DPP6: variants seen among roughly 807,000 people sequenced by gnomAD.
DPP6 encodes dipeptidyl peptidase like 6.
DPP6 carries 69 observed loss-of-function variants against 122.6 expected under a neutral mutation model. The observed-to-expected ratio is 0.56, with a 90% CI of 0.46 to 0.69. DPP6 has a LOEUF of 0.69. Ranked by LOEUF, DPP6 falls within the 30% of genes least tolerant of loss-of-function variation. The pLI, the probability that DPP6 is intolerant of heterozygous loss-of-function variation, is 0.00. For missense variants in DPP6, 928 were observed against 1,116.9 expected (o/e 0.83, Z 2.41); for synonymous variants, 418 against 433.1 (o/e 0.97, Z 0.43).
At chr7:154,073,863 G>A (rs1420622113) in intron 1 of DPP6, among the ~76,000 whole-genome samples, 6 of 152,176 alleles carry the variant, frequency 3.9e-5, no homozygotes, top group Non-Finnish European at 8.8e-5. Flanking sequence ...ATGGGTGCCT[G>A]TAATCCCAGC....
rs1046001451 is a variant in DPP6 at position 154,209,170 on chromosome 7, G to A, written c.243+156107G>A. ...TAGGTGAGAGATACATGTGATCCCCGAGGAGAACTATTAGACTTCCCTTAG... is the reference window on the plus strand; with the variant it reads ...TAGGTGAGAGATACATGTGATCCCCAAGGAGAACTATTAGACTTCCCTTAG... On this transcript the variant is annotated intron_variant, in intron 1 of 25. Transcript: ENST00000377770. Among the ~76,000 whole-genome samples, 13 of 152,150 alleles carry A rather than the reference G, an allele frequency of 8.5e-5. 1 individual carries two copies. Among genetic ancestry groups the A allele is most frequent in the Admixed American group, 6.5e-4 (10 of 15,274 alleles).
At chr7:154,448,011 G>A (rs1422653284) in intron 2 of DPP6, among the ~76,000 whole-genome samples, 1 of 152,114 alleles carries the variant, frequency 6.6e-6, no homozygotes, top group African/African-American at 2.4e-5. Context: ...ACCAGGAGAT[G>A]GTAGACAAGG....
At chr7:154,501,053 A>C (rs1396330066) in intron 3 of DPP6, among the ~76,000 whole-genome samples, 1 of 152,226 alleles carries the variant, frequency 6.6e-6, no homozygotes, top group Non-Finnish European at 1.5e-5. Flanking sequence ...TTTAGCAATG[A>C]GACTGGTGGC....
chr7:154,518,172 G>C (rs1046765073), intron 3 of DPP6, among the ~76,000 whole-genome samples: 1 of 152,176 alleles, frequency 6.6e-6, no homozygotes, highest in African/African-American at 2.4e-5. Flanking sequence ...GTAAAGATTA[G>C]CTGAGTCTTA....
At chr7:154,329,293 G>A (rs79668298) in intron 1 of DPP6, among the ~76,000 whole-genome samples, 46 of 152,348 alleles carry the variant, frequency 3.0e-4, no homozygotes, top group East Asian at 1.9e-3. Context: ...ACTGGCCAGC[G>A]TTGCAGCCAC....
intron 1 of DPP6, among the ~76,000 whole-genome samples, chr7:154,369,472 G>A (rs1812460652): frequency 1.3e-5 from 2 of 151,858 alleles, no homozygotes; most frequent in Non-Finnish European, 2.9e-5. Context: ...GGGTTCAAGC[G>A]ATTCTCCAGC....
intron 2 of DPP6, among the ~76,000 whole-genome samples, chr7:154,463,805 C>T (rs1821545898): frequency 6.6e-6 from 1 of 152,112 alleles, no homozygotes; most frequent in South Asian, 2.1e-4. Flanking sequence ...CTCTATTCTA[C>T]TGTGGCTGAG....
intron 1 of DPP6, among the ~76,000 whole-genome samples, chr7:154,187,550 T>G (rs1585583409): frequency 6.6e-6 from 1 of 152,324 alleles, no homozygotes; most frequent in Admixed American, 6.5e-5. Context: ...GAAAAATAGG[T>G]TTGCTTTCCT....
At chr7:154,792,788 G>A (rs1012135319) in intron 10 of DPP6, among the ~76,000 whole-genome samples, 5 of 152,214 alleles carry the variant, frequency 3.3e-5, no homozygotes, top group Middle Eastern at 3.2e-3. Context: ...CCCCTCCTGT[G>A]TTCACGGGTT....
In DPP6 at chr7:154,023,318, G is replaced by GCACGCACACGCGCA. The variant is rs373378162; in HGVS notation, c.51+135587_51+135588insGCACACGCGCACAC. On this transcript the variant is annotated intron_variant, in intron 1 of 25. Coordinates refer to the DPP6 transcript ENST00000404039. Reference sequence around the variant, plus strand: ...CAGGCTCTGGAAATGTTTCTTGTCTGCACACACACACACACACACACACAC... The same window carrying GCACGCACACGCGCA: ...CAGGCTCTGGAAATGTTTCTTGTCTGCACGCACACGCGCACACACACACACACACACACACACAC... Among the ~76,000 whole-genome samples the GCACGCACACGCGCA allele has an allele frequency of 1.2e-4, 15 of 129,618 alleles. No homozygotes were observed. In the East Asian group the frequency reaches 3.3e-3, roughly 29 times the overall value. 85.0% of individuals were successfully genotyped at this position (129,618 alleles called of 152,430 possible).
At chr7:154,226,315 C>G (rs562097995) in intron 1 of DPP6, among the ~76,000 whole-genome samples, 62 of 145,466 alleles carry the variant, frequency 4.3e-4, no homozygotes, top group African/African-American at 1.6e-3. Context: ...CAATTTTTGT[C>G]TTATGCCAGA....
chr7:154,060,368 G>C (rs867849432), intron 1 of DPP6, among the ~76,000 whole-genome samples: 1 of 109,226 alleles, frequency 9.2e-6, no homozygotes, highest in Non-Finnish European at 1.9e-5. Context: ...CTGAGAGCCA[G>C]CCCCTGGTTC....
intron 7 of DPP6, among the ~76,000 whole-genome samples, chr7:154,715,186 C>A (rs532005263): frequency 6.4e-4 from 97 of 152,276 alleles, no homozygotes; most frequent in Non-Finnish European, 1.2e-3. Flanking sequence ...CCTGCCTTAG[C>A]CTCCCAAGTA....
rs1201363227 is a variant in DPP6 at position 154,821,719 on chromosome 7, G to C, written c.1666+14607G>C. Among the ~76,000 whole-genome samples, 1 of 141,996 alleles carries C rather than the reference G, an allele frequency of 7.0e-6. No homozygotes were observed. Among genetic ancestry groups the C allele is most frequent in the South Asian group, 2.2e-4 (1 of 4,496 alleles). The allele number at this position is 141,996 out of a possible 152,430, so 93.2% of individuals were successfully genotyped here. A position where few individuals can be genotyped will look rare whatever the true frequency, so the allele number is the denominator to read the frequency against. ...ATACACACACACATATATATATACA[G>C]AAAAAACATGGTGTTTTGTTAGTAT... On this transcript the variant is annotated intron_variant, in intron 16 of 25. Transcript: ENST00000377770. This position sits in a 1 kb window ranked among gnomAD's most constrained non-coding sequence, Gnocchi z 4.2.
chr7:154,519,095 A>G (rs920543375), intron 3 of DPP6, among the ~76,000 whole-genome samples: 3 of 152,228 alleles, frequency 2.0e-5, no homozygotes, highest in Admixed American at 2.0e-4. Flanking sequence ...GTTATCCTGC[A>G]GCTTTCAGAT....
rs1833396174 is a variant in DPP6 at position 154,601,116 on chromosome 7, C to G, written c.627+34200C>G. ...AACAAAAACAAAAAACCACTCACAT[C>G]CAGAATGCTCAAATTTAACAAGTGT... On this transcript the variant is annotated intron_variant, in intron 5 of 25. Coordinates refer to ENST00000377770, the MANE Select transcript of DPP6 (RefSeq NM_130797.4). 2.5e-5 allele frequency among the ~76,000 whole-genome samples: 3 copies of G among 120,370 alleles called. 1 individual carries two copies. The highest frequency in any genetic ancestry group is 5.6e-5 in the Non-Finnish European group (3 of 53,348). 79.0% of individuals were successfully genotyped at this position (120,370 alleles called of 152,430 possible). A position where few individuals can be genotyped will look rare whatever the true frequency, so the allele number is the denominator to read the frequency against.
chr7:154,861,010 A>T (rs756374317), intron 17 of DPP6, among the ~76,000 whole-genome samples: 4 of 152,246 alleles, frequency 2.6e-5, no homozygotes, highest in South Asian at 2.1e-4. Context: ...AAAAGAAAAA[A>T]AATTTCGAAA....
chr7:153,977,446 A>G (rs1191164940), intron 1 of DPP6, among the ~76,000 whole-genome samples: 3 of 152,186 alleles, frequency 2.0e-5, no homozygotes, highest in African/African-American at 4.8e-5. Context: ...CACATTTATT[A>G]TAACAGCTTT....
At chr7:154,226,505 C>T (rs1488485499) in intron 1 of DPP6, among the ~76,000 whole-genome samples, 1 of 152,146 alleles carries the variant, frequency 6.6e-6, no homozygotes, top group African/African-American at 2.4e-5. Flanking sequence ...AGGGATTCTT[C>T]GGGGGGCCTT....
Sources: gnomAD v4.1 joint callset for allele counts (sites outside exome capture counted in the v4.1 genomes callset) on GRCh38, gnomAD v4.1.1 for gene constraint, Gnocchi (gnomAD v3.1) non-coding constraint, MANE v1.5 for transcripts, NCBI Gene and HGNC (gene_info 2026-07-23, HGNC 2026-07-21) for gene names.